The following MYOF variants were observed in gnomAD, a reference collection of about 807,000 sequenced individuals.
MYOF encodes fer-1-like 3, myoferlin.
Under a neutral mutation model 284.2 loss-of-function variants are expected in MYOF, and 244 were observed. That is an observed-to-expected ratio of 0.86 (90% CI 0.77 to 0.95). The LOEUF (loss-of-function observed/expected upper bound fraction) is 0.95. Among genes scored for constraint, MYOF ranks in the 40% least tolerant of loss-of-function variants. The pLI is 0.00. For missense variants in MYOF, 2,496 were observed against 2,560.6 expected, an observed-to-expected ratio of 0.97 and a Z score of 0.54; for synonymous variants, 904 against 919.7, an observed-to-expected ratio of 0.98 and a Z score of 0.31.
At chr10:93,454,338 CAA>C (rs2056680249) in intron 2 of MYOF, among the ~76,000 whole-genome samples, 1 of 151,866 alleles carries the variant, frequency 6.6e-6, no homozygotes, top group Admixed American at 6.6e-5. Context: ...ATGTTGGAAA[CAA>C]AATGGAATAA....
At chr10:93,468,727 C>T (rs1032398870) in intron 1 of MYOF, among the ~76,000 whole-genome samples, 1 of 152,156 alleles carries the variant, frequency 6.6e-6, no homozygotes, top group Admixed American at 6.5e-5. Context: ...TTTCCTCAAC[C>T]CTCCTTCCTA....
At chr10:93,377,806 T>C (rs1040860975) in intron 21 of MYOF, among the ~76,000 whole-genome samples, 1 of 152,058 alleles carries the variant, frequency 6.6e-6, no homozygotes, top group Admixed American at 6.6e-5. Flanking sequence ...AAGGAGTAAA[T>C]ATATTGAGGA....
At chr10:93,477,601 C>T (rs2057292454) in intron 1 of MYOF, among the ~76,000 whole-genome samples, 3 of 152,160 alleles carry the variant, frequency 2.0e-5, no homozygotes, top group Admixed American at 2.0e-4. Flanking sequence ...GTAATCCCAG[C>T]ACTTTGGGAG....
At chr10:93,316,864 G>C in intron 49 of MYOF, 51 bp from the exon 50 acceptor site, 3 of 1,482,268 alleles carry the variant, frequency 2.0e-6, no homozygotes, top group Non-Finnish European at 2.8e-6. Flanking sequence ...CTCACCTTTG[G>C]CTCCTTAAGA....
At position 93,446,391 on chromosome 10, in the gene MYOF, T is replaced by C. The variant is rs1050972450; in HGVS notation, c.236+5659A>G. 7.9e-5 allele frequency among the ~76,000 whole-genome samples: 12 copies of C among 152,188 alleles called. No individual in the cohort carries two copies. The East Asian group carries it at 2.3e-3, about 29-fold the overall frequency. On this transcript the variant is annotated intron_variant, in intron 3 of 53. Transcript: ENST00000359263. ...GTCAGTGTTACCGGGAAATTAACTA[T>C]TAGCAGCTATTATAGCATCACCCGA...
At chr10:93,345,885 C>T (rs1254198528) in intron 37 of MYOF, among the ~76,000 whole-genome samples, 1 of 152,214 alleles carries the variant, frequency 6.6e-6, no homozygotes, top group African/African-American at 2.4e-5. Context: ...GGGCAGTCTG[C>T]CTTAGACCCA....
intron 21 of MYOF, 149 bp from the exon 22 acceptor site, chr10:93,377,578 C>A (rs1005606419): frequency 9.7e-6 from 6 of 621,064 alleles, no homozygotes; most frequent in African/African-American, 3.7e-5. Flanking sequence ...GGAGAGGGAA[C>A]CCTAAAGTGG....
At chr10:93,314,174 C>T (rs1457729873) in intron 50 of MYOF, among the ~76,000 whole-genome samples, 2 of 152,146 alleles carry the variant, frequency 1.3e-5, no homozygotes, top group South Asian at 2.1e-4. Flanking sequence ...CTGCAACCTC[C>T]GCCTACTGGG....
At chr10:93,329,379 G>C (rs1475068405) in intron 44 of MYOF, among the ~76,000 whole-genome samples, 1 of 152,202 alleles carries the variant, frequency 6.6e-6, no homozygotes, top group African/African-American at 2.4e-5. Context: ...TCCAGGAGGG[G>C]CTCAATGACG....
chr10:93,425,064 G>A (rs574739439), intron 5 of MYOF, among the ~76,000 whole-genome samples: 3 of 145,938 alleles, frequency 2.1e-5, no homozygotes, highest in African/African-American at 5.1e-5. Flanking sequence ...TCAGCCTCCC[G>A]AGTAGCTGGG....
Position 93,341,914 on chromosome 10 carries a change from T to C in MYOF, c.4327-1750A>G, listed in dbSNP as rs942781406. The C allele has an allele frequency of 7.8e-6, 10 of 1,289,638 alleles. No individual in the cohort carries two copies. The African/African-American group carries it at 1.1e-4, about 14-fold the overall frequency. The allele number at this position is 1,289,638 out of a possible 1,614,324, so 79.9% of individuals were successfully genotyped here. ...CATGCATTTGCTTATCATACATACA[T>C]GCACTGTCGCTGGAGAAGCCATTTT... On this transcript the variant is annotated intron_variant, in intron 38 of 53. Coordinates refer to ENST00000359263, the MANE Select transcript of MYOF (RefSeq NM_013451.4).
rs1286266458 is a variant in MYOF at position 93,431,457 on chromosome 10, A to G, written c.296T>C (p.Leu99Pro). 6.2e-7 allele frequency: 1 copy of G among 1,614,094 alleles called. No individual in the cohort carries two copies. Among genetic ancestry groups the G allele is most frequent in the South Asian group, 1.1e-5 (1 of 91,078 alleles). ...TAGCAGGGAGATCAGCTTGTACGGCAGGGATCTGCTCTGGTCACCAGTCAG... is the reference window on the plus strand; with the variant it reads ...TAGCAGGGAGATCAGCTTGTACGGCGGGGATCTGCTCTGGTCACCAGTCAG... Reference protein sequence around the residue: ...KDLTGDQSRSLPYKLISLLNE... With the variant: ...KDLTGDQSRSPPYKLISLLNE... The change falls in exon 4 of 54, where the codon CTG becomes CCG. Residue 99 changes from leucine to proline, a missense_variant. Physicochemically the swap from Leu to Pro is moderately conservative, Grantham distance 98. Transcript: ENST00000359263.
intron 41 of MYOF, among the ~76,000 whole-genome samples, chr10:93,335,305 G>C (rs959025727): frequency 1.3e-5 from 2 of 152,144 alleles, no homozygotes; most frequent in African/African-American, 2.4e-5. Context: ...GAGTGTGTGA[G>C]GGGGAGGGAG....
At chr10:93,343,395 G>A (rs12241823) in intron 38 of MYOF, among the ~76,000 whole-genome samples, 11,020 of 152,198 alleles carry the variant, frequency 0.072, 1,080 homozygotes, top group African/African-American at 0.23. Flanking sequence ...TTTATGTAGG[G>A]GGAAGAATCT....
At chr10:93,320,850 T>A (rs979809732) in intron 48 of MYOF, among the ~76,000 whole-genome samples, 6 of 152,138 alleles carry the variant, frequency 3.9e-5, no homozygotes, top group Admixed American at 6.5e-5. Flanking sequence ...GGGGACGTTT[T>A]AAAAATATTG....
intron 29 of MYOF, among the ~76,000 whole-genome samples, chr10:93,358,528 A>G (rs893085022): frequency 6.6e-6 from 1 of 152,240 alleles, no homozygotes; most frequent in African/African-American, 2.4e-5. Flanking sequence ...TCTTCACAAT[A>G]GCAAAGACAT....
intron 16 of MYOF, 92 bp downstream of exon 16, chr10:93,396,050 C>T: frequency 1.1e-6 from 1 of 951,456 alleles, no homozygotes. Context: ...GAAACCAAAC[C>T]TACTGTGAGG....
At chr10:93,363,892 TGCTGGGTTCCCC>T (rs2133937243) in intron 27 of MYOF, 57 bp downstream of exon 27, 1 of 1,431,330 alleles carries the variant, frequency 7.0e-7, no homozygotes, top group Non-Finnish European at 9.7e-7. Flanking sequence ...GCCAGGTGGC[TGCTGGGTTCCCC>T]GCAGATCACG....
At chr10:93,453,712 C>A (rs2056659103) in intron 2 of MYOF, among the ~76,000 whole-genome samples, 1 of 152,048 alleles carries the variant, frequency 6.6e-6, no homozygotes, top group Non-Finnish European at 1.5e-5. Context: ...AACTTAGATT[C>A]TGTCTCTGTG....
Sources: allele counts gnomAD v4.1 joint callset (sites outside exome capture counted in the v4.1 genomes callset), GRCh38; gene constraint gnomAD v4.1.1; transcripts MANE v1.5; gene names NCBI Gene and HGNC (gene_info 2026-07-23, HGNC 2026-07-21).